RC3H1: variants seen among roughly 807,000 people sequenced by gnomAD.
The protein encoded by RC3H1 is roquin-1.
RC3H1 carries 50 observed loss-of-function variants against 138.2 expected under a neutral mutation model. The observed-to-expected ratio is 0.36, with a 90% CI of 0.29 to 0.46. RC3H1 has a LOEUF of 0.46. Among genes scored for constraint, RC3H1 ranks in the 20% least tolerant of loss-of-function variants. The pLI is 1.00. For missense variants in RC3H1, 1,031 were observed against 1,388.1 expected, an observed-to-expected ratio of 0.74 and a Z score of 4.09; for synonymous variants, 462 against 489.1, an observed-to-expected ratio of 0.94 and a Z score of 0.73.
intron 4 of RC3H1, 97 bp from the exon 5 acceptor site, chr1:173,982,999 C>T (rs1660884425): frequency 9.0e-7 from 1 of 1,105,766 alleles, no homozygotes; most frequent in Non-Finnish European, 1.3e-6. Flanking sequence ...TGCAGCTATT[C>T]AATTAACTGG....
chr1:173,975,378 G>A (rs1660530321), intron 7 of RC3H1, among the ~76,000 whole-genome samples: 1 of 152,078 alleles, frequency 6.6e-6, no homozygotes, highest in African/African-American at 2.4e-5. Context: ...ACAGGCGTGA[G>A]CCACTGCACC....
chr1:173,933,458 A>G lies in RC3H1; in HGVS notation c.*5263T>C, dbSNP rs1658463690. ...CTATAGCTAGTATTACTTATCAATT[A>G]TAATCTATTACTTGTGGAAAGATCT... On this transcript the variant is annotated 3_prime_UTR_variant, in exon 20 of 20. Transcript: ENST00000367696. 1 of 152,148 alleles carries G rather than the reference A, an allele frequency of 6.6e-6. No individual in the cohort carries two copies. The highest frequency in any genetic ancestry group is 6.6e-5 in the Admixed American group (1 of 15,262). The allele number at this position is 152,148 out of a possible 1,614,324, so 9.4% of individuals were successfully genotyped here.
chr1:174,022,161 A>AGCC lies in RC3H1; in HGVS notation c.-219_-217dup, dbSNP rs538993536. On this transcript the variant is annotated 5_prime_UTR_variant, in exon 1 of 20. Coordinates refer to ENST00000367696, the MANE Select transcript of RC3H1 (RefSeq NM_172071.4). The surrounding 1 kb of genome is among the most constrained non-coding windows in gnomAD (Gnocchi z 4.2). The stretch of plus-strand genomic sequence containing the variant: ...CCGCGGCCGTCGCCACCGCCGCGGC[A>AGCC]GCCGCCGCCGCCGCCGAGGCCACCG... The AGCC allele has an allele frequency of 1.6e-4, 62 of 394,766 alleles. No individual in the cohort carries two copies. Among genetic ancestry groups the AGCC allele is most frequent in the Non-Finnish European group, 1.7e-4 (39 of 224,104 alleles). 24.5% of individuals were successfully genotyped at this position (394,766 alleles called of 1,614,324 possible).
intron 1 of RC3H1, among the ~76,000 whole-genome samples, chr1:174,005,541 G>C (rs1445630372): frequency 6.6e-6 from 1 of 152,012 alleles, no homozygotes; most frequent in Non-Finnish European, 1.5e-5. Context: ...TAACCTTTTT[G>C]ACAGAACATA....
chr1:174,003,551 G>C (rs972227252), intron 1 of RC3H1, among the ~76,000 whole-genome samples: 1 of 151,848 alleles, frequency 6.6e-6, no homozygotes. Flanking sequence ...CAACATCTCT[G>C]ACCTGGATCA....
chr1:173,982,686 C>T (rs928591997), intron 5 of RC3H1, 41 bp downstream of exon 5: 1 of 1,493,982 alleles, frequency 6.7e-7, no homozygotes. Flanking sequence ...GGGGAAAGAA[C>T]AATATTTCCT....
At chr1:173,979,852 G>GAGCAC (rs1041163435) in intron 6 of RC3H1, among the ~76,000 whole-genome samples, 2 of 152,146 alleles carry the variant, frequency 1.3e-5, no homozygotes, top group African/African-American at 4.8e-5. Context: ...TTATAGAGCA[G>GAGCAC]AGCAAACAAC....
At position 173,936,757 on chromosome 1, in the gene RC3H1, ATATAT is replaced by A. The variant is rs1313549361; in HGVS notation, c.*1959_*1963del. The A allele has an allele frequency of 6.8e-4, 20 of 29,260 alleles. No individual in the cohort carries two copies. The highest frequency in any genetic ancestry group is 1.1e-3 in the South Asian group (1 of 904). The allele number at this position is 29,260 out of a possible 1,614,324, so 1.8% of individuals were successfully genotyped here. A position where few individuals can be genotyped will look rare whatever the true frequency, so the allele number is the denominator to read the frequency against. ...TATATATATATATATATATATATAT[ATATAT>A]TTTTTTTTTTTTTTTTAAAAAAAGA... On this transcript the variant is annotated 3_prime_UTR_variant, in exon 20 of 20. Coordinates refer to ENST00000367696, the MANE Select transcript of RC3H1 (RefSeq NM_172071.4).
chr1:173,946,384 A>T (rs751239412), intron 17 of RC3H1, 92 bp downstream of exon 17: 19 of 1,194,052 alleles, frequency 1.6e-5, no homozygotes, highest in Non-Finnish European at 2.3e-5. Context: ...ATAGACCTTA[A>T]AGTTTTTTGT....
chr1:173,977,364 AAAG>A (rs1660632615), intron 7 of RC3H1, among the ~76,000 whole-genome samples: 1 of 152,228 alleles, frequency 6.6e-6, no homozygotes, highest in South Asian at 2.1e-4. Flanking sequence ...GGGTATTGTG[AAAG>A]AAGAACAGAT....
At chr1:173,990,731 T>C (rs1330587810) in intron 2 of RC3H1, among the ~76,000 whole-genome samples, 4 of 151,490 alleles carry the variant, frequency 2.6e-5, no homozygotes, top group Non-Finnish European at 5.9e-5. Flanking sequence ...GCCTCCCAAG[T>C]AGCTGGGACT....
chr1:173,944,487 C>T (rs1000151764), intron 17 of RC3H1, among the ~76,000 whole-genome samples: 9 of 152,136 alleles, frequency 5.9e-5, no homozygotes, highest in African/African-American at 2.2e-4. Flanking sequence ...TTAATGGGTG[C>T]AGCACACCAA....
chr1:173,940,957 G>T (rs1487356956), intron 19 of RC3H1, among the ~76,000 whole-genome samples: 4 of 151,994 alleles, frequency 2.6e-5, no homozygotes, highest in Non-Finnish European at 1.5e-5. Flanking sequence ...GAGTAGCTGG[G>T]ACTACAGGCA....
rs571560320 is a variant in RC3H1, at chr1:173,938,826, G to C, written c.3297C>G (p.Leu1099=). The part of the protein sequence containing the change: ...GSALTQENIS[L]LSNKTSSLNL... The stretch of plus-strand genomic sequence containing the variant: ...TCAGAGAGCTGGTCTTGTTTGATAG[G>C]AGGCTGATATTCTCTTGTGTCAAGG... Residue 1099 remains leucine, a synonymous_variant, in exon 20 of 20, where the codon CTC becomes CTG. Transcript: ENST00000367696. 1 of 1,613,564 alleles carries C rather than the reference G, an allele frequency of 6.2e-7. No individual in the cohort carries two copies. Among genetic ancestry groups the C allele is most frequent in the Non-Finnish European group, 8.5e-7 (1 of 1,179,630 alleles).
At chr1:173,965,318 G>A (rs1274643974) in intron 9 of RC3H1, among the ~76,000 whole-genome samples, 198 bp from the exon 10 acceptor site, 1 of 152,108 alleles carries the variant, frequency 6.6e-6, no homozygotes, top group Non-Finnish European at 1.5e-5. Flanking sequence ...ACATAGGCCG[G>A]GTGCTGTGGC....
intron 2 of RC3H1, 103 bp from the exon 3 acceptor site, chr1:173,984,722 G>C (rs60551050): frequency 0.12 from 138,442 of 1,137,250 alleles, 9,439 homozygotes; most frequent in East Asian, 0.21. Context: ...ACATCAAAAC[G>C]CCCACTAAAT....
At chr1:174,012,955 A>G (rs753397030) in intron 1 of RC3H1, among the ~76,000 whole-genome samples, 1 of 152,010 alleles carries the variant, frequency 6.6e-6, no homozygotes, top group Non-Finnish European at 1.5e-5. Context: ...TTAAGGACAA[A>G]AAGGATCAGA....
chr1:173,981,536 G>GA (rs1357600293), intron 5 of RC3H1, among the ~76,000 whole-genome samples: 1 of 151,960 alleles, frequency 6.6e-6, no homozygotes, highest in African/African-American at 2.4e-5. Flanking sequence ...TTTTTGAAAA[G>GA]AAAAAAATAC....
Position 173,937,754 on chromosome 1 carries a change from T to C in RC3H1, c.*967A>G, listed in dbSNP as rs995730446. 2.6e-5 allele frequency: 4 copies of C among 152,224 alleles called. No individual in the cohort carries two copies. The highest frequency in any genetic ancestry group is 9.6e-5 in the African/African-American group (4 of 41,458). 9.4% of individuals were successfully genotyped at this position (152,224 alleles called of 1,614,324 possible). On this transcript the variant is annotated 3_prime_UTR_variant, in exon 20 of 20. Transcript: ENST00000367696. Reference sequence around the variant, plus strand: ...TTCATTTTAAGTTCAAATCAAATGTTGCAGTTTTAAAACATAGTTGATTGT... The same window carrying C: ...TTCATTTTAAGTTCAAATCAAATGTCGCAGTTTTAAAACATAGTTGATTGT...
Sources: gnomAD v4.1 joint callset for allele counts (sites outside exome capture counted in the v4.1 genomes callset) on GRCh38, gnomAD v4.1.1 for gene constraint, Gnocchi (gnomAD v3.1) non-coding constraint, MANE v1.5 for transcripts, NCBI Gene and HGNC (gene_info 2026-07-23, HGNC 2026-07-21) for gene names.